CD163L1: variants seen among roughly 807,000 people sequenced by gnomAD.
CD163L1 encodes the protein CD163 molecule like 1, also known as scavenger receptor cysteine-rich type 1 protein M160.
In CD163L1, 124 loss-of-function variants were observed where a neutral mutation model predicts 165.4. That is an observed-to-expected ratio of 0.75 (90% CI 0.65 to 0.87). The LOEUF (loss-of-function observed/expected upper bound fraction) is 0.87. Among genes scored for constraint, CD163L1 ranks in the 40% least tolerant of loss-of-function variants. The pLI is 0.00. For missense variants in CD163L1, 1,525 were observed against 1,799.9 expected, an observed-to-expected ratio of 0.85 and a Z score of 2.76; for synonymous variants, 585 against 662.2, an observed-to-expected ratio of 0.88 and a Z score of 1.79.
At chr12:7,325,482 A>G in the CD163L1 span, among the ~76,000 whole-genome samples, 2 of 152,192 alleles carry the variant, frequency 1.3e-5, no homozygotes, top group African/African-American at 4.8e-5. Flanking sequence ...CCCTGTCTCT[A>G]CTAAAAATAC....
chr12:7,324,198 C>T, the CD163L1 span: 92 of 1,542,306 alleles, frequency 6.0e-5, no homozygotes, highest in Non-Finnish European at 7.3e-5. Context: ...GTGTAATGTA[C>T]TAGTCACTTA....
chr12:7,433,381 G>T lies in CD163L1; in HGVS notation c.438C>A (p.Asn146Lys). The T allele has an allele frequency of 6.3e-7, 1 of 1,588,400 alleles. No homozygotes were observed. Among genetic ancestry groups the T allele is most frequent in the Non-Finnish European group, 8.6e-7 (1 of 1,167,024 alleles). ...NCYHGEDVGV[N>K]CYGEANLGLR... is the part of the protein sequence containing the mutation. ...CTCTAGTTAGACTCTTACCATAACA[G>T]TTCACACCAACATCTTCTCCATGAT... is the stretch of plus-strand genomic sequence containing the variant. The change falls in exon 3 of 20, where the codon AAC becomes AAA. Residue 146 changes from asparagine (N) to lysine (K), a missense_variant. Coordinates refer to ENST00000313599, the MANE Select transcript of CD163L1 (RefSeq NM_174941.6).
chr12:7,439,767 A>T, intron 2 of CD163L1: 4 of 1,613,490 alleles, frequency 2.5e-6, no homozygotes, highest in Non-Finnish European at 3.4e-6. Flanking sequence ...CTTTGTAAAG[A>T]ATTTCACCCC....
At position 7,403,682 on chromosome 12, in the gene CD163L1, G is replaced by A. The variant is rs369455812; in HGVS notation, c.1261C>T (p.Arg421Cys). ...CTAGCTTCATTACTAGGTTTAGCACGACGACTGCCAAAGACGCTGAACGGA... is the reference window on the plus strand; with the variant it reads ...CTAGCTTCATTACTAGGTTTAGCACAACGACTGCCAAAGACGCTGAACGGA... ...GCPFSVFGSR[R>C]AKPSNEARDI... Residue 421 changes from arginine (R) to cysteine (C), a missense_variant, in exon 6 of 20, where the codon CGT becomes TGT. Physicochemically the swap from Arg to Cys is radical, Grantham distance 180 (BLOSUM62 -3). Coordinates refer to ENST00000313599, the MANE Select transcript of CD163L1 (RefSeq NM_174941.6). 1.5e-5 allele frequency: 24 copies of A among 1,613,908 alleles called. No individual in the cohort carries two copies. The highest frequency in any genetic ancestry group is 1.7e-5 in the Admixed American group (1 of 59,964).
the CD163L1 span, among the ~76,000 whole-genome samples, chr12:7,341,450 AAAT>A: frequency 2.0e-5 from 3 of 152,184 alleles, no homozygotes; most frequent in East Asian, 5.8e-4. Flanking sequence ...TCAGCTTGAG[AAAT>A]AATAATCTCT....
rs1400580624 is a variant in CD163L1, at chr12:7,369,573, A to G, written c.3823T>C (p.Trp1275Arg). The change falls in exon 15 of 20, where the codon TGG becomes CGG. Residue 1275 changes from tryptophan (W) to arginine (R), a missense_variant. By Grantham distance (101) the Trp-to-Arg change is moderately radical. Coordinates refer to ENST00000313599, the MANE Select transcript of CD163L1 (RefSeq NM_174941.6). This position sits in a 1 kb window ranked among gnomAD's most constrained non-coding sequence, Gnocchi z 4.9. ...GSWGTVCDDS[W>R]DLAEAEVVCQ... ...ACCACTTCCGCCTCGGCCAGGTCCCAGGAGTCATCACACACTGTGCCCCAG... is the reference window on the plus strand; with the variant it reads ...ACCACTTCCGCCTCGGCCAGGTCCCGGGAGTCATCACACACTGTGCCCCAG... 4 of 1,614,194 alleles carry G rather than the reference A, an allele frequency of 2.5e-6. No individual in the cohort carries two copies. Among genetic ancestry groups the G allele is most frequent in the Non-Finnish European group, 3.4e-6 (4 of 1,180,016 alleles).
At chr12:7,322,774 G>C in the CD163L1 span, among the ~76,000 whole-genome samples, 1 of 152,152 alleles carries the variant, frequency 6.6e-6, no homozygotes, top group Admixed American at 6.5e-5. Context: ...ATAAATCTCA[G>C]AGGCGTTAGC....
At chr12:7,340,766 C>G in the CD163L1 span, among the ~76,000 whole-genome samples, 1 of 152,160 alleles carries the variant, frequency 6.6e-6, no homozygotes, top group Non-Finnish European at 1.5e-5. Context: ...GGCTTATTAT[C>G]AAGGGCTTCT....
Position 7,363,091 on chromosome 12 carries a change from A to G in CD163L1, c.4279+4145T>C, listed in dbSNP as rs532249534. On this transcript the variant is annotated intron_variant, in intron 18 of 19. Coordinates refer to ENST00000313599, the MANE Select transcript of CD163L1 (RefSeq NM_174941.6). ...GTTTATAGCAGTAAACACCCATATC[A>G]AAAAGTAGATAGAGACCAGCCCGAC... 1.1e-4 allele frequency among the ~76,000 whole-genome samples: 16 copies of G among 152,022 alleles called. 1 individual carries two copies. Among genetic ancestry groups the G allele is most frequent in the Admixed American group, 2.0e-4 (3 of 15,236 alleles).
chr12:7,379,121 G>C lies in CD163L1; in HGVS notation c.2228C>G (p.Pro743Arg), dbSNP rs1468961764. ...CGSAIRVSRE[P>R]HFTERTLHIL... ...GTGTAATGTTCTTTCTGTGAAATGA[G>C]GCTCTCTGGAGACCCTGATTGCAGA... is the stretch of plus-strand genomic sequence containing the variant. The change falls in exon 9 of 20, where the codon CCT (proline) becomes CGT (arginine). Residue 743 changes from proline (P) to arginine (R), a missense_variant. Coordinates refer to ENST00000313599, the MANE Select transcript of CD163L1 (RefSeq NM_174941.6). 1 of 1,614,108 alleles carries C rather than the reference G, an allele frequency of 6.2e-7. No individual in the cohort carries two copies. The highest frequency in any genetic ancestry group is 8.5e-7 in the Non-Finnish European group (1 of 1,180,004).
intron 1 of CD163L1, among the ~76,000 whole-genome samples, chr12:7,442,671 GTCT>G (rs1280241496): frequency 3.3e-5 from 5 of 152,050 alleles, no homozygotes; most frequent in African/African-American, 4.8e-5. Flanking sequence ...CTTTAAGTTG[GTCT>G]TCTTTTTTCT....
rs192842246 is a variant in CD163L1, at chr12:7,411,886, A to T, written c.767-5034T>A. 1.7e-3 allele frequency among the ~76,000 whole-genome samples: 253 copies of T among 152,326 alleles called. 1 individual carries two copies. The highest frequency in any genetic ancestry group is 5.9e-3 in the African/African-American group (244 of 41,584). On this transcript the variant is annotated intron_variant, in intron 4 of 19. Coordinates refer to ENST00000313599, the MANE Select transcript of CD163L1 (RefSeq NM_174941.6). ...AGGAGGAAAATTTGTGTTGACTACA[A>T]AGTGTTAACCCAGTTAATTACAAAC...
At chr12:7,435,165 GT>G (rs1315648420) in intron 2 of CD163L1, among the ~76,000 whole-genome samples, 1 of 151,804 alleles carries the variant, frequency 6.6e-6, no homozygotes, top group Non-Finnish European at 1.5e-5. Context: ...TGATTAAGGT[GT>G]TTTTTTCAAC....
chr12:7,367,462 C>T, intron 17 of CD163L1, 131 bp from the exon 18 acceptor site: 1 of 482,288 alleles, frequency 2.1e-6, no homozygotes, highest in Non-Finnish European at 3.8e-6. Context: ...TCAGCACCTA[C>T]CCCTGCTAGT....
chr12:7,367,458 C>T, intron 17 of CD163L1, 127 bp from the exon 18 acceptor site: 1 of 493,932 alleles, frequency 2.0e-6, no homozygotes, highest in Non-Finnish European at 3.7e-6. Context: ...TCTTTCAGCA[C>T]CTACCCCTGC....
chr12:7,318,844 A>G, the CD163L1 span, among the ~76,000 whole-genome samples: 1 of 152,222 alleles, frequency 6.6e-6, no homozygotes. Context: ...CTGTGTGTGA[A>G]TAAAAGCTCT....
chr12:7,363,323 A>AG (rs1946945459), intron 18 of CD163L1, among the ~76,000 whole-genome samples: 1 of 151,984 alleles, frequency 6.6e-6, no homozygotes, highest in African/African-American at 2.4e-5. Flanking sequence ...AGGAAAAAAA[A>AG]CAAGTAGAAA....
Position 7,403,533 on chromosome 12 carries a change from A to C in CD163L1, c.1408+2T>G. The C allele has an allele frequency of 6.2e-7, 1 of 1,608,984 alleles. No homozygotes were observed. Among genetic ancestry groups the C allele is most frequent in the Non-Finnish European group, 8.5e-7 (1 of 1,177,408 alleles). The stretch of plus-strand genomic sequence containing the variant: ...TACACTCTCATGATCTTTGAACCTT[A>C]CCAGAACAAATTACTCCAGCATCTG... On this transcript the variant is annotated splice_donor_variant, in intron 6 of 19. Coordinates refer to ENST00000313599, the MANE Select transcript of CD163L1 (RefSeq NM_174941.6). LOFTEE classifies it high-confidence loss of function.
intron 4 of CD163L1, among the ~76,000 whole-genome samples, chr12:7,423,889 C>G (rs766103918): frequency 1.3e-5 from 2 of 152,296 alleles, no homozygotes; most frequent in South Asian, 4.1e-4. Context: ...CAGCCGAACT[C>G]TGCCAGAGGT....
Sources: allele counts gnomAD v4.1 joint callset (sites outside exome capture counted in the v4.1 genomes callset), GRCh38; gene constraint gnomAD v4.1.1; non-coding constraint Gnocchi (gnomAD v3.1); transcripts MANE v1.5; gene names NCBI Gene and HGNC (gene_info 2026-07-23, HGNC 2026-07-21).